Variants in UBE2G1 observed in about 807,000 individuals in gnomAD.
UBE2G1 encodes ubiquitin conjugating enzyme E2 G1, also known as ubiquitin-conjugating enzyme E2 G1.
UBE2G1 carries 5 observed loss-of-function variants against 22.7 expected under a neutral mutation model. The observed-to-expected ratio is 0.22, with a 90% CI of 0.12 to 0.46. UBE2G1 has a LOEUF of 0.46. Among genes scored for constraint, UBE2G1 ranks in the 20% least tolerant of loss-of-function variants. The pLI is 0.99. For synonymous variants in UBE2G1, 74 were observed against 67.5 expected (o/e 1.10, Z -0.47); for missense variants, 88 against 203.9 (o/e 0.43, Z 3.46).
At chr17:4,312,674 C>T (rs1421055085) in intron 1 of UBE2G1, among the ~76,000 whole-genome samples, 1 of 116,196 alleles carries the variant, frequency 8.6e-6, no homozygotes, top group Non-Finnish European at 1.6e-5. Context: ...CCAGCCTGGG[C>T]GATAGAGCAA....
At chr17:4,305,367 T>C (rs1969238067) in intron 2 of UBE2G1, among the ~76,000 whole-genome samples, 1 of 152,214 alleles carries the variant, frequency 6.6e-6, no homozygotes, top group Non-Finnish European at 1.5e-5. Flanking sequence ...CCTAGGAATA[T>C]GCTCTCTCTT....
At chr17:4,347,900 TTG>T (rs1255979372) in intron 1 of UBE2G1, among the ~76,000 whole-genome samples, 3 of 152,148 alleles carry the variant, frequency 2.0e-5, no homozygotes, top group Non-Finnish European at 4.4e-5. Context: ...TTAATAAACG[TTG>T]TGTGTGTTCT....
At chr17:4,326,993 C>T (rs1335610746) in intron 1 of UBE2G1, among the ~76,000 whole-genome samples, 1 of 152,146 alleles carries the variant, frequency 6.6e-6, no homozygotes, top group East Asian at 1.9e-4. Flanking sequence ...AAAACCACGT[C>T]TCTACTAAAA....
chr17:4,341,176 T>C (rs370200693), intron 1 of UBE2G1, among the ~76,000 whole-genome samples: 4 of 152,268 alleles, frequency 2.6e-5, no homozygotes, highest in South Asian at 4.1e-4. Flanking sequence ...GCAAATCACA[T>C]TGTAACTTTA....
At chr17:4,301,095 A>G (rs1000091977) in intron 2 of UBE2G1, among the ~76,000 whole-genome samples, 1 of 152,176 alleles carries the variant, frequency 6.6e-6, no homozygotes, top group Non-Finnish European at 1.5e-5. Context: ...CCATACTGCC[A>G]TATTTATTTT....
intron 1 of UBE2G1, among the ~76,000 whole-genome samples, chr17:4,309,790 G>A (rs1002615051): frequency 2.0e-5 from 3 of 152,140 alleles, no homozygotes; most frequent in Admixed American, 1.3e-4. Context: ...TCCACCAGAA[G>A]TCCAGGGTTT....
In UBE2G1 at chr17:4,338,956, G is replaced by A. The variant is rs539273658; in HGVS notation, c.46+27315C>T. Among the ~76,000 whole-genome samples, 5 of 152,268 alleles carry A rather than the reference G, an allele frequency of 3.3e-5. No individual in the cohort carries two copies. The South Asian group carries it at 1.0e-3, about 32-fold the overall frequency. On this transcript the variant is annotated intron_variant, in intron 1 of 5. Transcript: ENST00000396981. Reference sequence around the variant, plus strand: ...ACCGAGCACTACTCCCTGCTCAGGGGAAATGTCTGGGACTGGTACCGCTCG... The same window carrying A: ...ACCGAGCACTACTCCCTGCTCAGGGAAAATGTCTGGGACTGGTACCGCTCG...
chr17:4,289,488 G>A, intron 3 of UBE2G1, 80 bp from the exon 4 acceptor site: 1 of 1,380,358 alleles, frequency 7.2e-7, no homozygotes, highest in Non-Finnish European at 9.6e-7. Context: ...ATGTGATCCT[G>A]ATTCACACAG....
chr17:4,364,284 A>G (rs1970004437), intron 1 of UBE2G1: 1 of 133,332 alleles, frequency 7.5e-6, no homozygotes, highest in African/African-American at 3.1e-5. Context: ...AAAAAAATGC[A>G]ATAAAGTTCT....
At chr17:4,282,298 G>A (rs1429094351) in intron 5 of UBE2G1, among the ~76,000 whole-genome samples, 1 of 152,066 alleles carries the variant, frequency 6.6e-6, no homozygotes, top group Non-Finnish European at 1.5e-5. Context: ...GTCCAGGCTA[G>A]TCTCAAACCC....
chr17:4,326,732 T>C (rs61537770), intron 1 of UBE2G1, among the ~76,000 whole-genome samples: 7,282 of 152,290 alleles, frequency 0.048, 623 homozygotes, highest in African/African-American at 0.17. Flanking sequence ...AGTATATACA[T>C]ACAACAGGAT....
intron 1 of UBE2G1, among the ~76,000 whole-genome samples, chr17:4,334,870 A>G (rs778669312): frequency 6.6e-6 from 1 of 152,180 alleles, no homozygotes; most frequent in African/African-American, 2.4e-5. Context: ...AAGAGGAAAT[A>G]AATGAGACAA....
At chr17:4,329,651 G>GT (rs951722935) in intron 1 of UBE2G1, among the ~76,000 whole-genome samples, 41 of 152,044 alleles carry the variant, frequency 2.7e-4, no homozygotes, top group Admixed American at 1.8e-3. Context: ...TATTTAAAAT[G>GT]TAAGACATTT....
chr17:4,273,246 CATTATG>C (rs1270796909), intron 5 of UBE2G1, among the ~76,000 whole-genome samples: 1 of 152,246 alleles, frequency 6.6e-6, no homozygotes, highest in Non-Finnish European at 1.5e-5. Flanking sequence ...TCACAATCAT[CATTATG>C]AAGGAGTCTC....
intron 4 of UBE2G1, among the ~76,000 whole-genome samples, chr17:4,288,013 A>C (rs1295927939): frequency 6.6e-6 from 1 of 152,240 alleles, no homozygotes; most frequent in Non-Finnish European, 1.5e-5. Context: ...GTATATGGAA[A>C]GACAGCCTTG....
intron 2 of UBE2G1, among the ~76,000 whole-genome samples, chr17:4,299,117 G>A (rs1244948507): frequency 6.6e-6 from 1 of 152,108 alleles, no homozygotes; most frequent in Non-Finnish European, 1.5e-5. Context: ...AGAAAACAGA[G>A]TTTATCACAA....
intron 1 of UBE2G1, among the ~76,000 whole-genome samples, chr17:4,307,697 GTA>G (rs1403449430): frequency 6.6e-6 from 1 of 152,186 alleles, no homozygotes. Flanking sequence ...TGTCTTGTCT[GTA>G]TATGTCGACC....
chr17:4,351,764 G>C (rs1969846990), intron 1 of UBE2G1, among the ~76,000 whole-genome samples: 1 of 152,156 alleles, frequency 6.6e-6, no homozygotes, highest in African/African-American at 2.4e-5. Flanking sequence ...TGTTTACCTA[G>C]GGTGAAAGAG....
At chr17:4,280,879 C>G (rs913401260) in intron 5 of UBE2G1, among the ~76,000 whole-genome samples, 1 of 152,028 alleles carries the variant, frequency 6.6e-6, no homozygotes, top group Admixed American at 6.6e-5. Flanking sequence ...GTGATCCACC[C>G]GCCTCGGCCT....
Sources: gnomAD v4.1 joint callset for allele counts (sites outside exome capture counted in the v4.1 genomes callset) on GRCh38, gnomAD v4.1.1 for gene constraint, MANE v1.5 for transcripts, NCBI Gene and HGNC (gene_info 2026-07-23, HGNC 2026-07-21) for gene names.